The following MARK1 variants were observed in gnomAD, a reference collection of about 807,000 sequenced individuals.
MARK1 encodes serine/threonine-protein kinase MARK1.
MARK1 carries 40 observed loss-of-function variants against 96.3 expected under a neutral mutation model. That is an observed-to-expected ratio of 0.42 (90% CI 0.32 to 0.54). The LOEUF (loss-of-function observed/expected upper bound fraction) is 0.54. Ranked by LOEUF, MARK1 falls within the 20% of genes least tolerant of loss-of-function variation. The pLI is 0.16. For synonymous variants in MARK1, 317 were observed against 341.2 expected (o/e 0.93, Z 0.78); for missense variants, 719 against 984.6 (o/e 0.73, Z 3.61).
chr1:220,632,391 CAAAAA>C (rs1184840749), intron 11 of MARK1, 78 bp downstream of exon 11: 6 of 610,002 alleles, frequency 9.8e-6, no homozygotes, highest in Non-Finnish European at 1.7e-5. Context: ...TTTGTGGAAT[CAAAAA>C]TAATATAAAG....
intron 1 of MARK1, among the ~76,000 whole-genome samples, chr1:220,554,964 C>T (rs987825865): frequency 6.6e-6 from 1 of 152,174 alleles, no homozygotes; most frequent in Non-Finnish European, 1.5e-5. Context: ...TAATGGCTTC[C>T]ACTTGTCCTT....
chr1:220,641,839 C>T (rs1007791571), intron 13 of MARK1, among the ~76,000 whole-genome samples: 1 of 152,164 alleles, frequency 6.6e-6, no homozygotes. Flanking sequence ...CCTCCCTCCC[C>T]GAGCCAAGAG....
chr1:220,628,955 A>G (rs1224837303), intron 9 of MARK1, among the ~76,000 whole-genome samples: 1 of 151,856 alleles, frequency 6.6e-6, no homozygotes, highest in Non-Finnish European at 1.5e-5. Context: ...TGACTGCTGG[A>G]AAAGCCTCCA....
At chr1:220,592,266 T>C (rs1261214442) in intron 3 of MARK1, among the ~76,000 whole-genome samples, 1 of 148,298 alleles carries the variant, frequency 6.7e-6, no homozygotes, top group Admixed American at 6.8e-5. Context: ...TATTATATTA[T>C]ATTATACTAT....
chr1:220,595,128 C>A (rs949017641), intron 3 of MARK1, among the ~76,000 whole-genome samples: 13 of 152,282 alleles, frequency 8.5e-5, no homozygotes, highest in Admixed American at 6.5e-4. Flanking sequence ...ACTGTTTGTA[C>A]TTCCTGCTCA....
Position 220,635,865 on chromosome 1 carries a change from A to G in MARK1, c.1309A>G (p.Thr437Ala). 1 of 1,611,886 alleles carries G rather than the reference A, an allele frequency of 6.2e-7. No homozygotes were observed. Among genetic ancestry groups the G allele is most frequent in the Non-Finnish European group, 8.5e-7 (1 of 1,179,396 alleles). Reference sequence around the variant, plus strand: ...ATCCATTCCTCCTGCTGTATCATATACCAAAAGACCTCAGGCTAACAGTGT... The same window carrying G: ...ATCCATTCCTCCTGCTGTATCATATGCCAAAAGACCTCAGGCTAACAGTGT... ...GPSIPPAVSY[T>A]KRPQANSVES... The change falls in exon 13 of 18, where the codon ACC becomes GCC. Residue 437 changes from threonine to alanine, a missense_variant. This residue lies in a region of MARK1 where 501 missense variants were observed against 588.3 expected (regional missense o/e 0.85). Coordinates refer to ENST00000366917, the MANE Select transcript of MARK1 (RefSeq NM_018650.5).
chr1:220,651,733 C>T lies in MARK1; in HGVS notation c.1572-253C>T, dbSNP rs567120560. Among the ~76,000 whole-genome samples the T allele has an allele frequency of 1.8e-4, 27 of 152,258 alleles. No homozygotes were observed. In the South Asian group the frequency reaches 4.8e-3, roughly 27 times the overall value. On this transcript the variant is annotated intron_variant, in intron 14 of 17. Coordinates refer to ENST00000366917, the MANE Select transcript of MARK1 (RefSeq NM_018650.5). ...ACAAAAATAATTTTGTACTTTCTCACATTTACATACATAGTGTGTGTGAGA... is the reference window on the plus strand; with the variant it reads ...ACAAAAATAATTTTGTACTTTCTCATATTTACATACATAGTGTGTGTGAGA...
chr1:220,648,043 TATAAA>T (rs1232573229), intron 13 of MARK1, among the ~76,000 whole-genome samples: 7 of 151,478 alleles, frequency 4.6e-5, no homozygotes, highest in East Asian at 1.9e-4. Flanking sequence ...CCCTGGAACT[TATAAA>T]ATAAGATTTA....
chr1:220,541,693 T>C (rs1661161465), intron 1 of MARK1, among the ~76,000 whole-genome samples: 1 of 152,214 alleles, frequency 6.6e-6, no homozygotes, highest in Non-Finnish European at 1.5e-5. Context: ...TGACATAAGG[T>C]CTGTTTTATC....
In MARK1 at chr1:220,556,985, G is replaced by T. The variant is rs536282646; in HGVS notation, c.52-22369G>T. Among the ~76,000 whole-genome samples, 6 of 152,256 alleles carry T rather than the reference G, an allele frequency of 3.9e-5. No homozygotes were observed. In the South Asian group the frequency reaches 1.2e-3, roughly 32 times the overall value. ...TAATAGAGTAAATTTTTGAGAGGCA[G>T]TATTTGAAAGATTGTGGCTAGGGGT... On this transcript the variant is annotated intron_variant, in intron 1 of 17. Coordinates refer to ENST00000366917, the MANE Select transcript of MARK1 (RefSeq NM_018650.5).
intron 9 of MARK1, chr1:220,626,581 G>A: frequency 2.5e-6 from 1 of 402,038 alleles, no homozygotes; most frequent in Non-Finnish European, 4.9e-6. Flanking sequence ...CAGCATTTTG[G>A]GAGGCCCAGG....
At position 220,605,481 on chromosome 1, in the gene MARK1, AT is replaced by A. The variant is rs530420684; in HGVS notation, c.495+1347del. Among the ~76,000 whole-genome samples the A allele has an allele frequency of 1.7e-3, 260 of 151,312 alleles. 1 individual carries two copies. The highest frequency in any genetic ancestry group is 6.0e-3 in the African/African-American group (246 of 41,118). ...ACACACATCATTTTTTTAAATTTTT[AT>A]TTATTTTATTTTATTTTATTTTATT... On this transcript the variant is annotated intron_variant, in intron 6 of 17. Coordinates refer to ENST00000366917, the MANE Select transcript of MARK1 (RefSeq NM_018650.5).
In MARK1 at chr1:220,528,596, C is replaced by G; in HGVS notation, c.-227C>G. 1 of 490,184 alleles carries G rather than the reference C, an allele frequency of 2.0e-6. No homozygotes were observed. The highest frequency in any genetic ancestry group is 2.1e-5 in the African/African-American group (1 of 48,576). 30.4% of individuals were successfully genotyped at this position (490,184 alleles called of 1,614,324 possible). ...GCCCGAAGCCCTCCCTCGTTACTGT[C>G]CGCATACCCCGGCGGCGCCGCCGCG... On this transcript the variant is annotated 5_prime_UTR_variant, in exon 1 of 18. Transcript: ENST00000366917.
intron 1 of MARK1, among the ~76,000 whole-genome samples, chr1:220,544,845 A>G (rs573101466): frequency 6.6e-6 from 1 of 152,342 alleles, no homozygotes; most frequent in Non-Finnish European, 1.5e-5. Context: ...TGCTTTCACA[A>G]TTTGAAAAGA....
chr1:220,635,532 A>G lies in MARK1; in HGVS notation c.1276+3A>G, dbSNP rs766168521. The G allele has an allele frequency of 2.0e-5, 32 of 1,601,294 alleles. No individual in the cohort carries two copies. Among genetic ancestry groups the G allele is most frequent in the South Asian group, 4.5e-5 (4 of 88,198 alleles). On this transcript the variant is annotated splice_donor_region_variant and intron_variant, in intron 12 of 17. Coordinates refer to ENST00000366917, the MANE Select transcript of MARK1 (RefSeq NM_018650.5). ...GCAGCGGCGTTTCAGTGATCATGGT[A>G]GGGGAAAAAGTCACATAAGTGAAGC...
intron 1 of MARK1, among the ~76,000 whole-genome samples, chr1:220,545,852 T>G (rs1451740403): frequency 1.3e-5 from 2 of 152,154 alleles, no homozygotes; most frequent in African/African-American, 2.4e-5. Flanking sequence ...AAACTTTAAT[T>G]AGGCTGCTCA....
chr1:220,653,498 A>C (rs1669002240), intron 16 of MARK1, 146 bp downstream of exon 16: 12 of 819,324 alleles, frequency 1.5e-5, no homozygotes, highest in Non-Finnish European at 2.1e-5. Flanking sequence ...GGAAGAAAAA[A>C]ATCTAGGAAG....
chr1:220,530,938 G>A (rs1358499710), intron 1 of MARK1, among the ~76,000 whole-genome samples: 1 of 127,450 alleles, frequency 7.8e-6, no homozygotes, highest in Non-Finnish European at 1.8e-5. Flanking sequence ...CACTCAGCAT[G>A]TTCATTTTTT....
At chr1:220,555,856 T>C (rs1221317404) in intron 1 of MARK1, among the ~76,000 whole-genome samples, 1 of 152,176 alleles carries the variant, frequency 6.6e-6, no homozygotes, top group Non-Finnish European at 1.5e-5. Flanking sequence ...AGGGAGAATA[T>C]ATAGCCAGGA....
Sources: allele counts gnomAD v4.1 joint callset (sites outside exome capture counted in the v4.1 genomes callset), GRCh38; gene constraint gnomAD v4.1.1; regional missense constraint gnomAD v4.1.1; transcripts MANE v1.5; gene names NCBI Gene and HGNC (gene_info 2026-07-23, HGNC 2026-07-21).